CHST8: variants seen among roughly 807,000 people sequenced by gnomAD.
The protein encoded by CHST8 is carbohydrate sulfotransferase 8.
In CHST8, 10 loss-of-function variants were observed where a neutral mutation model predicts 15.0. The observed-to-expected ratio is 0.67, with a 90% confidence interval of 0.41 to 1.13. The LOEUF is 1.13. Ranked by LOEUF, CHST8 falls within the 50% of genes most tolerant of loss-of-function variation. CHST8 has a pLI of 0.00. For missense variants in CHST8, 634 were observed against 608.2 expected, an observed-to-expected ratio of 1.04 and a Z score of -0.45; for synonymous variants, 259 against 256.6, an observed-to-expected ratio of 1.01 and a Z score of -0.09.
intron 3 of CHST8, among the ~76,000 whole-genome samples, chr19:33,713,925 G>T (rs934068757): frequency 6.6e-6 from 1 of 152,164 alleles, no homozygotes; most frequent in Admixed American, 6.5e-5. Context: ...GCTGAGGAGT[G>T]CAGGGCTGGG....
At chr19:33,746,357 G>A (rs1180022884) in intron 3 of CHST8, among the ~76,000 whole-genome samples, 4 of 151,612 alleles carry the variant, frequency 2.6e-5, no homozygotes, top group Admixed American at 6.6e-5. Context: ...CTCACTCCCC[G>A]CACCGCCCCC....
At chr19:33,730,942 C>T (rs983194096) in intron 3 of CHST8, among the ~76,000 whole-genome samples, 51 of 152,308 alleles carry the variant, frequency 3.3e-4, no homozygotes, top group African/African-American at 1.2e-3. Flanking sequence ...AGGAAGCATC[C>T]AGCACAGAGA....
At chr19:33,741,782 A>G (rs1197632542) in intron 3 of CHST8, among the ~76,000 whole-genome samples, 1 of 151,850 alleles carries the variant, frequency 6.6e-6, no homozygotes, top group Non-Finnish European at 1.5e-5. Flanking sequence ...TTTAATGTCT[A>G]GATTCATGGG....
chr19:33,758,407 G>C (rs1974648023), intron 3 of CHST8, among the ~76,000 whole-genome samples: 1 of 152,212 alleles, frequency 6.6e-6, no homozygotes, highest in Non-Finnish European at 1.5e-5. Flanking sequence ...TTGCAGTCTG[G>C]AGCCCCACTC....
chr19:33,705,089 T>C (rs1392267081), intron 3 of CHST8, among the ~76,000 whole-genome samples: 1 of 152,130 alleles, frequency 6.6e-6, no homozygotes, highest in African/African-American at 2.4e-5. Context: ...TAAACCCCCG[T>C]AGGGCTGAGA....
At chr19:33,650,518 C>CTTTTCTT (rs1972428902) in intron 1 of CHST8, among the ~76,000 whole-genome samples, 1 of 36,070 alleles carries the variant, frequency 2.8e-5, no homozygotes, top group African/African-American at 1.3e-4. Context: ...TTTTTCTTTT[C>CTTTTCTT]TTTTTTTTTT....
intron 3 of CHST8, among the ~76,000 whole-genome samples, chr19:33,728,683 G>C (rs1973945080): frequency 6.6e-6 from 1 of 152,206 alleles, no homozygotes; most frequent in Non-Finnish European, 1.5e-5. Context: ...ACTGGGAAGA[G>C]AGCCACACAT....
intron 3 of CHST8, among the ~76,000 whole-genome samples, chr19:33,763,917 G>C (rs145566388): frequency 6.6e-6 from 1 of 152,164 alleles, no homozygotes; most frequent in African/African-American, 2.4e-5. Flanking sequence ...AGCAGGCCCC[G>C]GCCTGGCATA....
Position 33,773,381 on chromosome 19 carries a change from G to C in CHST8, c.*318G>C. On this transcript the variant is annotated 3_prime_UTR_variant, in exon 5 of 5. Transcript: ENST00000650847. ...GGCCCAGAGGACGGGGGGCCCAGCG[G>C]TAAGGGATGTCCCGCACTCCCTTAG... 2.5e-6 allele frequency: 1 copy of C among 399,402 alleles called. No individual in the cohort carries two copies. Among genetic ancestry groups the C allele is most frequent in the South Asian group, 3.9e-5 (1 of 25,710 alleles). 24.7% of individuals were successfully genotyped at this position (399,402 alleles called of 1,614,324 possible). A position where few individuals can be genotyped will look rare whatever the true frequency, so the allele number is the denominator to read the frequency against.
At chr19:33,761,022 C>T (rs992035277) in intron 3 of CHST8, among the ~76,000 whole-genome samples, 3 of 152,180 alleles carry the variant, frequency 2.0e-5, no homozygotes, top group Admixed American at 6.5e-5. Context: ...AGGATCATTC[C>T]GCGTGGTGTA....
In CHST8 at chr19:33,772,012, T is replaced by C. The variant is rs1243187208; in HGVS notation, c.224T>C (p.Val75Ala). The stretch of plus-strand genomic sequence containing the variant: ...GACTTGAAGGAACCCACAGAGAGGG[T>C]CACTCGGGACTTATCCAGTGGGGCC... ...DGDLKEPTERVTRDLSSGAPR... is the reference protein window; with the variant it reads ...DGDLKEPTERATRDLSSGAPR... The change falls in exon 5 of 5, where the codon GTC (valine) becomes GCC (alanine). Residue 75 changes from valine (V) to alanine (A), a missense_variant. Transcript: ENST00000650847. 1.9e-6 allele frequency: 3 copies of C among 1,604,030 alleles called. No individual in the cohort carries two copies. The highest frequency in any genetic ancestry group is 2.5e-6 in the Non-Finnish European group (3 of 1,176,702).
chr19:33,624,089 T>C (rs944529698), intron 1 of CHST8, among the ~76,000 whole-genome samples: 4 of 152,230 alleles, frequency 2.6e-5, no homozygotes, highest in Non-Finnish European at 5.9e-5. Flanking sequence ...TATTTACTTA[T>C]TTATTTATTA....
At position 33,772,305 on chromosome 19, in the gene CHST8, C is replaced by T; in HGVS notation, c.517C>T (p.Arg173Cys). ...ACAKYRASSS[R>C]RAVTPRHVSR... ...CGCCAAGTACCGGGCGAGCAGCAGC[C>T]GCCGGGCCGTCACGCCCCGCCACGT... The change falls in exon 5 of 5, where the codon CGC becomes TGC. Residue 173 changes from arginine (R) to cysteine (C), a missense_variant. By Grantham distance (180) the Arg-to-Cys change is radical. Coordinates refer to ENST00000650847, the MANE Select transcript of CHST8 (RefSeq NM_001127895.2). 1.2e-6 allele frequency: 2 copies of T among 1,602,810 alleles called. No homozygotes were observed. The highest frequency in any genetic ancestry group is 1.1e-5 in the South Asian group (1 of 90,948).
intron 1 of CHST8, among the ~76,000 whole-genome samples, chr19:33,645,900 G>T (rs568681082): frequency 4.6e-5 from 7 of 152,276 alleles, no homozygotes; most frequent in African/African-American, 1.7e-4. Flanking sequence ...GCCATGGTGG[G>T]TGAATTGCTT....
intron 3 of CHST8, among the ~76,000 whole-genome samples, chr19:33,712,120 C>T (rs2145295166): frequency 6.6e-6 from 1 of 152,262 alleles, no homozygotes; most frequent in Middle Eastern, 3.4e-3. Flanking sequence ...TTATTTAAAA[C>T]AAGGCTAGTC....
chr19:33,772,959 T>C lies in CHST8; in HGVS notation c.1171T>C (p.Tyr391His), dbSNP rs1247979281. ...GACCACAGCGAGGATCGCCCACCAG[T>C]ACTTCGCCCAACTCTCGGCCCTGCA... Reference protein sequence around the residue: ...ARTTARIAHQYFAQLSALQRQ... With the variant: ...ARTTARIAHQHFAQLSALQRQ... Residue 391 changes from tyrosine to histidine, a missense_variant, in exon 5 of 5, where the codon TAC becomes CAC. By Grantham distance (83) the Tyr-to-His change is moderately conservative (BLOSUM62 2). Transcript: ENST00000650847. The C allele has an allele frequency of 6.2e-7, 1 of 1,613,602 alleles. No homozygotes were observed. The highest frequency in any genetic ancestry group is 8.5e-7 in the Non-Finnish European group (1 of 1,180,024).
At chr19:33,642,964 C>T (rs1040349757) in intron 1 of CHST8, among the ~76,000 whole-genome samples, 2 of 152,208 alleles carry the variant, frequency 1.3e-5, no homozygotes, top group African/African-American at 4.8e-5. Context: ...GCATCCCTTT[C>T]CATGAATTTA....
intron 1 of CHST8, among the ~76,000 whole-genome samples, chr19:33,631,690 C>T (rs1972123755): frequency 6.6e-6 from 1 of 152,138 alleles, no homozygotes; most frequent in South Asian, 2.1e-4. Context: ...CAATCTATGC[C>T]TATTATTTCA....
chr19:33,749,202 A>G (rs1974368498), intron 3 of CHST8, among the ~76,000 whole-genome samples: 3 of 152,174 alleles, frequency 2.0e-5, no homozygotes, highest in Admixed American at 1.3e-4. Context: ...GGAAAGCAGC[A>G]GGTGGCTAGG....
Sources: allele counts gnomAD v4.1 joint callset (sites outside exome capture counted in the v4.1 genomes callset), GRCh38; gene constraint gnomAD v4.1.1; transcripts MANE v1.5; gene names NCBI Gene and HGNC (gene_info 2026-07-23, HGNC 2026-07-21).